The following TBL1X variants were observed in gnomAD, a reference collection of about 807,000 sequenced individuals.
TBL1X encodes F-box-like/WD repeat-containing protein TBL1X.
Under a neutral mutation model 50.7 loss-of-function variants are expected in TBL1X, and 10 were observed. The observed-to-expected ratio is 0.20, with a 90% CI of 0.12 to 0.33. The LOEUF (loss-of-function observed/expected upper bound fraction) is 0.33. Ranked by LOEUF, TBL1X falls within the 10% of genes least tolerant of loss-of-function variation. The pLI, the probability that TBL1X is intolerant of heterozygous loss-of-function variation, is 1.00. For missense variants in TBL1X, 340 were observed against 504.4 expected, an observed-to-expected ratio of 0.67 and a Z score of 3.12; for synonymous variants, 190 against 214.7, an observed-to-expected ratio of 0.88 and a Z score of 1.01.
At chrX:9,490,951 A>G (rs1192718461) in intron 1 of TBL1X, among the ~76,000 whole-genome samples, 1 of 110,727 alleles carries the variant, frequency 9.0e-6, no homozygotes, top group African/African-American at 3.3e-5. Flanking sequence ...CCTGCTCACC[A>G]GCAAGATTAT....
intron 2 of TBL1X, among the ~76,000 whole-genome samples, chrX:9,555,942 C>T (rs1033701865): frequency 2.7e-5 from 3 of 111,393 alleles, no homozygotes; most frequent in Non-Finnish European, 5.7e-5. Context: ...AATCCCAGCA[C>T]TTTGGGAGGC....
Position 9,682,549 on chromosome X carries a change from T to C in TBL1X, c.212-1494T>C, listed in dbSNP as rs574528311. ...GGAGAGTAGACAGAGAAAAGTGAAGTGTAAGAAAGCAGCAAGGAGAGCACA... is the reference window on the plus strand; with the variant it reads ...GGAGAGTAGACAGAGAAAAGTGAAGCGTAAGAAAGCAGCAAGGAGAGCACA... On this transcript the variant is annotated intron_variant, in intron 5 of 17. Transcript: ENST00000645353. 1.1e-4 allele frequency among the ~76,000 whole-genome samples: 12 copies of C among 111,256 alleles called. No individual in the cohort carries two copies. The South Asian group carries it at 4.5e-3, about 42-fold the overall frequency.
chrX:9,719,671 ATT>A lies in TBL1X; in HGVS notation c.*3427_*3428del, dbSNP rs763945417. 9.0e-6 allele frequency: 1 copy of A among 111,208 alleles called. No homozygotes were observed. Among genetic ancestry groups the A allele is most frequent in the Admixed American group, 9.6e-5 (1 of 10,459 alleles). The allele number at this position is 111,208 out of a possible 1,213,427, so 9.2% of individuals were successfully genotyped here. ...AAAATCACCTTGTGTGTTGTAGCTC[ATT>A]TGTTTCAAGAGAGAATCAACAGATC... On this transcript the variant is annotated 3_prime_UTR_variant, in exon 18 of 18. Transcript: ENST00000645353.
At chrX:9,497,341 G>A (rs987906036) in intron 1 of TBL1X, among the ~76,000 whole-genome samples, 5 of 101,464 alleles carry the variant, frequency 4.9e-5, no homozygotes, top group Non-Finnish European at 7.9e-5. Flanking sequence ...CCCAGGAGGT[G>A]GAGGTTGCAG....
intron 2 of TBL1X, among the ~76,000 whole-genome samples, chrX:9,508,935 G>C (rs2082039816): frequency 9.1e-6 from 1 of 109,794 alleles, no homozygotes; most frequent in Non-Finnish European, 1.9e-5. Context: ...GGGCCTGTTG[G>C]GGAGTGGGGA....
rs139657850 is a variant in TBL1X at position 9,709,304 on chromosome X, G to A, written c.1293G>A (p.Ser431=). 3.2e-5 allele frequency: 39 copies of A among 1,210,059 alleles called. No homozygotes were observed. Among genetic ancestry groups the A allele is most frequent in the Non-Finnish European group, 4.2e-5 (38 of 895,185 alleles). ...CTGGAATGTTGCTGGCATCCTGCTC[G>A]GATGACATGACATTGAAGGTAGAGT... is the stretch of plus-strand genomic sequence containing the variant. ...DPSGMLLASC[S]DDMTLKIWSM... Residue 431 remains serine, a synonymous_variant, in exon 14 of 18, where the codon TCG becomes TCA. Coordinates refer to ENST00000645353, the MANE Select transcript of TBL1X (RefSeq NM_005647.4).
At chrX:9,485,965 G>A (rs1207588002) in intron 1 of TBL1X, among the ~76,000 whole-genome samples, 2 of 110,675 alleles carry the variant, frequency 1.8e-5, no homozygotes, top group Admixed American at 1.9e-4. Flanking sequence ...CATCTGAAGG[G>A]ACTCCCTCCT....
At chrX:9,576,672 T>C (rs2147015939) in intron 2 of TBL1X, among the ~76,000 whole-genome samples, 1 of 103,574 alleles carries the variant, frequency 9.7e-6, no homozygotes, top group Non-Finnish European at 2.0e-5. Context: ...ACTAGCTCTT[T>C]AGATCTTTTA....
At chrX:9,533,627 AGG>A (rs779522844) in intron 2 of TBL1X, among the ~76,000 whole-genome samples, 1 of 111,135 alleles carries the variant, frequency 9.0e-6, no homozygotes, top group East Asian at 2.9e-4. Context: ...CAAGGCAAAG[AGG>A]GACCTATCGC....
At chrX:9,553,132 G>C (rs925601038) in intron 2 of TBL1X, among the ~76,000 whole-genome samples, 10 of 111,012 alleles carry the variant, frequency 9.0e-5, no homozygotes, top group Admixed American at 4.8e-4. Flanking sequence ...AACAGAGCAA[G>C]ACACTGTCCC....
intron 12 of TBL1X, among the ~76,000 whole-genome samples, chrX:9,702,607 GAA>G (rs59896272): frequency 0.028 from 1,962 of 70,035 alleles, 20 homozygotes; most frequent in Middle Eastern, 0.068. Context: ...TCATCTCCAA[GAA>G]AAAAAAAAAA....
At chrX:9,536,715 A>G (rs1218762830) in intron 2 of TBL1X, among the ~76,000 whole-genome samples, 2 of 111,985 alleles carry the variant, frequency 1.8e-5, no homozygotes, top group African/African-American at 3.2e-5. Flanking sequence ...AATTCTGATA[A>G]GACTAGACGC....
intron 4 of TBL1X, among the ~76,000 whole-genome samples, 174 bp downstream of exon 4, chrX:9,653,863 G>A (rs748348758): frequency 2.7e-5 from 3 of 111,898 alleles, no homozygotes; most frequent in Admixed American, 9.5e-5. Flanking sequence ...TATGGGGCGC[G>A]CTGCGGATCC....
At chrX:9,527,170 G>A (rs184500133) in intron 2 of TBL1X, among the ~76,000 whole-genome samples, 17 of 112,166 alleles carry the variant, frequency 1.5e-4, no homozygotes, top group African/African-American at 5.5e-4. Context: ...TGTAGGGTGG[G>A]CCGAGAGGGG....
chrX:9,470,973 G>A (rs1446526408), intron 1 of TBL1X, among the ~76,000 whole-genome samples: 1 of 112,104 alleles, frequency 8.9e-6, no homozygotes, highest in African/African-American at 3.2e-5. Context: ...CACCTTTATT[G>A]CACAGTCCTA....
chrX:9,675,571 T>G, intron 5 of TBL1X, among the ~76,000 whole-genome samples: 1 of 111,462 alleles, frequency 9.0e-6, no homozygotes, highest in Non-Finnish European at 1.9e-5. Flanking sequence ...TCTGTGACCA[T>G]GATGATTATA....
chrX:9,579,320 T>C (rs149029285), intron 2 of TBL1X, among the ~76,000 whole-genome samples: 1,778 of 112,123 alleles, frequency 0.016, 39 homozygotes, highest in African/African-American at 0.054. Context: ...ATCTTAACTT[T>C]TGTATGACAG....
chrX:9,685,704 TTTC>T (rs1194837786), intron 6 of TBL1X, among the ~76,000 whole-genome samples: 1 of 87,448 alleles, frequency 1.1e-5, no homozygotes, highest in Non-Finnish European at 2.2e-5. Context: ...CTGTTCTCTT[TTTC>T]TTTTCTTTTC....
At chrX:9,683,055 CAA>C (rs1211724474) in intron 5 of TBL1X, among the ~76,000 whole-genome samples, 2 of 111,555 alleles carry the variant, frequency 1.8e-5, no homozygotes, top group Non-Finnish European at 3.8e-5. Flanking sequence ...CTGCACCAAG[CAA>C]AGTGACCCAG....
Sources: gnomAD v4.1 joint callset for allele counts (sites outside exome capture counted in the v4.1 genomes callset) on GRCh38, gnomAD v4.1.1 for gene constraint, MANE v1.5 for transcripts, NCBI Gene and HGNC (gene_info 2026-07-23, HGNC 2026-07-21) for gene names.